Variants in FHIT observed in about 807,000 individuals in gnomAD.
FHIT encodes the protein bis(5'-adenosyl)-triphosphatase.
A neutral mutation model predicts 17.9 loss-of-function variants in FHIT; 19 were observed. That is an observed-to-expected ratio of 1.06 (90% CI 0.74 to 1.56). The LOEUF (loss-of-function observed/expected upper bound fraction) is 1.56, where lower values mean the gene tolerates loss of function less well. FHIT is among the 40% of genes most tolerant of loss of function. The pLI is 0.00. For synonymous variants in FHIT, 81 were observed against 69.7 expected, an observed-to-expected ratio of 1.16 and a Z score of -0.81; for missense variants, 248 against 189.2, an observed-to-expected ratio of 1.31 and a Z score of -1.82.
Position 59,975,208 on chromosome 3 carries a change from T to G in FHIT, c.279+36163A>C, listed in dbSNP as rs565770772. ...CTTGGCATTTGCTAGGCACTGTTCCTTTCGCTTTCCATGAATTAGAAGAAG... is the reference window on the plus strand; with the variant it reads ...CTTGGCATTTGCTAGGCACTGTTCCGTTCGCTTTCCATGAATTAGAAGAAG... On this transcript the variant is annotated intron_variant, in intron 7 of 9. Coordinates refer to ENST00000492590, the MANE Select transcript of FHIT (RefSeq NM_002012.4). Among the ~76,000 whole-genome samples the G allele has an allele frequency of 3.3e-5, 5 of 152,248 alleles. 1 individual carries two copies. In the South Asian group the frequency reaches 1.0e-3, roughly 32 times the overall value.
chr3:60,956,099 A>T (rs1406963359), intron 3 of FHIT, among the ~76,000 whole-genome samples: 4 of 152,212 alleles, frequency 2.6e-5, no homozygotes, highest in African/African-American at 9.6e-5. Flanking sequence ...CATGTACCCT[A>T]TTTAATGATT....
chr3:60,592,938 T>A (rs929093471), intron 4 of FHIT, among the ~76,000 whole-genome samples: 1 of 152,174 alleles, frequency 6.6e-6, no homozygotes, highest in East Asian at 1.9e-4. Context: ...GTCTTGATGG[T>A]TATAGCAAAG....
rs1391723087 is a variant in FHIT at position 60,231,805 on chromosome 3, C to A, written c.104-217653G>T. ...CCCACTTATTCAGTTACATACTAAT[C>A]TAGGTATTCCTGTGAAAGGATTTTA... is the stretch of plus-strand genomic sequence containing the variant. On this transcript the variant is annotated intron_variant, in intron 5 of 9. Transcript: ENST00000492590. 2.0e-5 allele frequency among the ~76,000 whole-genome samples: 3 copies of A among 152,162 alleles called. No homozygotes were observed. The East Asian group carries it at 5.8e-4, about 29-fold the overall frequency.
chr3:60,885,626 T>C (rs2107147681), intron 3 of FHIT, among the ~76,000 whole-genome samples: 1 of 152,316 alleles, frequency 6.6e-6, no homozygotes, highest in East Asian at 1.9e-4. Flanking sequence ...TTGACTCTTG[T>C]CCACTTCTAC....
At chr3:60,054,837 C>A (rs1022113264) in intron 5 of FHIT, among the ~76,000 whole-genome samples, 4 of 152,128 alleles carry the variant, frequency 2.6e-5, no homozygotes, top group Non-Finnish European at 5.9e-5. Context: ...TAAATATCAT[C>A]CTTAGCCTCC....
chr3:61,146,394 G>A (rs958793890), intron 2 of FHIT, among the ~76,000 whole-genome samples: 41 of 151,958 alleles, frequency 2.7e-4, no homozygotes, highest in African/African-American at 8.0e-4. Context: ...GCACAATATG[G>A]TTATTAGAAT....
At position 60,697,168 on chromosome 3, in the gene FHIT, TA is replaced by T. The variant is rs1553700828; in HGVS notation, c.-18+124750del. Among the ~76,000 whole-genome samples, 7 of 152,262 alleles carry T rather than the reference TA, an allele frequency of 4.6e-5. No individual in the cohort carries two copies. The East Asian group carries it at 1.4e-3, about 29-fold the overall frequency. On this transcript the variant is annotated intron_variant, in intron 4 of 9. Coordinates refer to ENST00000492590, the MANE Select transcript of FHIT (RefSeq NM_002012.4). ...AATTCAATTTATATAAAATTTAAAA[TA>T]TACAGAACTTACAGTGATTGCAAGT...
chr3:59,890,568 TG>T (rs1156839106), intron 8 of FHIT, among the ~76,000 whole-genome samples: 1 of 152,166 alleles, frequency 6.6e-6, no homozygotes, highest in Non-Finnish European at 1.5e-5. Flanking sequence ...ATATGCAAAA[TG>T]GGAACCCGCT....
intron 4 of FHIT, among the ~76,000 whole-genome samples, chr3:60,783,354 C>T (rs1265569169): frequency 1.3e-5 from 2 of 152,164 alleles, no homozygotes; most frequent in South Asian, 2.1e-4. Flanking sequence ...GGAAGTTTAA[C>T]ATAGCCCACA....
intron 8 of FHIT, among the ~76,000 whole-genome samples, chr3:59,865,183 G>T (rs1414272276): frequency 2.6e-5 from 4 of 152,158 alleles, no homozygotes; most frequent in Admixed American, 2.6e-4. Context: ...GGTGAGTTGG[G>T]TTATCAAACT....
At chr3:60,551,678 A>T (rs553415638) in intron 4 of FHIT, among the ~76,000 whole-genome samples, 1 of 146,694 alleles carries the variant, frequency 6.8e-6, no homozygotes, top group African/African-American at 2.5e-5. Context: ...GAAATGCCTG[A>T]GCCTGGGAAG....
intron 7 of FHIT, among the ~76,000 whole-genome samples, chr3:59,976,817 G>T (rs1445998485): frequency 6.6e-6 from 1 of 152,086 alleles, no homozygotes; most frequent in Non-Finnish European, 1.5e-5. Flanking sequence ...CCTTCATCGT[G>T]CTCATAAACT....
At chr3:60,508,047 T>C (rs1281364282) in intron 5 of FHIT, among the ~76,000 whole-genome samples, 2 of 152,162 alleles carry the variant, frequency 1.3e-5, no homozygotes, top group Non-Finnish European at 2.9e-5. Flanking sequence ...AGTAAGGAGT[T>C]CTTCATCAGT....
At chr3:60,612,964 T>A (rs2038831494) in intron 4 of FHIT, among the ~76,000 whole-genome samples, 3 of 137,030 alleles carry the variant, frequency 2.2e-5, no homozygotes, top group Non-Finnish European at 3.3e-5. Flanking sequence ...CTTTATGACT[T>A]TGACTGTTAC....
At chr3:60,089,385 T>C (rs539750163) in intron 5 of FHIT, among the ~76,000 whole-genome samples, 18 of 152,152 alleles carry the variant, frequency 1.2e-4, no homozygotes, top group African/African-American at 2.7e-4. Flanking sequence ...GGAACCATGA[T>C]TCCCTGTCCA....
At chr3:60,633,880 G>C (rs2107777819) in intron 4 of FHIT, among the ~76,000 whole-genome samples, 1 of 152,340 alleles carries the variant, frequency 6.6e-6, no homozygotes, top group East Asian at 1.9e-4. Flanking sequence ...AAAGGTTTCA[G>C]ACCCACGGTG....
At chr3:60,631,456 C>T (rs968965759) in intron 4 of FHIT, among the ~76,000 whole-genome samples, 9 of 152,106 alleles carry the variant, frequency 5.9e-5, no homozygotes, top group Non-Finnish European at 1.3e-4. Flanking sequence ...TGCAGAAATG[C>T]GGAGGGAGAT....
intron 8 of FHIT, among the ~76,000 whole-genome samples, chr3:59,777,868 T>C (rs1702400482): frequency 1.3e-5 from 2 of 152,310 alleles, no homozygotes; most frequent in Admixed American, 6.5e-5. Flanking sequence ...CTATTCACTC[T>C]GCTTAGAAAA....
intron 4 of FHIT, among the ~76,000 whole-genome samples, chr3:60,711,188 C>G (rs889069019): frequency 6.6e-6 from 1 of 152,182 alleles, no homozygotes; most frequent in Non-Finnish European, 1.5e-5. Context: ...CCTCTAGCAA[C>G]TCCAACAGAC....
Sources: gnomAD v4.1 joint callset for allele counts (sites outside exome capture counted in the v4.1 genomes callset) on GRCh38, gnomAD v4.1.1 for gene constraint, MANE v1.5 for transcripts, NCBI Gene and HGNC (gene_info 2026-07-23, HGNC 2026-07-21) for gene names.